The following STRBP variants were observed in gnomAD, a reference collection of about 807,000 sequenced individuals.
STRBP encodes spermatid perinuclear RNA binding protein.
A neutral mutation model predicts 80.1 loss-of-function variants in STRBP; 13 were observed. The observed-to-expected ratio is 0.16, with a 90% CI of 0.11 to 0.26. STRBP has a LOEUF of 0.26. STRBP is among the 10% of genes least tolerant of loss of function. The pLI is 1.00. For synonymous variants in STRBP, 284 were observed against 291.2 expected (o/e 0.98, Z 0.25); for missense variants, 485 against 815.2 (o/e 0.59, Z 4.93).
At chr9:123,183,981 G>A (rs1242921028) in intron 3 of STRBP, 151 bp downstream of exon 3, 6 of 578,912 alleles carry the variant, frequency 1.0e-5, no homozygotes, top group African/African-American at 7.5e-5. Flanking sequence ...GAATTCATTC[G>A]CTTTGAATAG....
intron 2 of STRBP, among the ~76,000 whole-genome samples, chr9:123,198,920 C>T (rs2132503464): frequency 6.6e-6 from 1 of 152,130 alleles, no homozygotes; most frequent in South Asian, 2.1e-4. Flanking sequence ...TATTTCTGGG[C>T]TCTCTATTCT....
chr9:123,227,587 A>G lies in STRBP; in HGVS notation c.-165+9243T>C, dbSNP rs186294343. On this transcript the variant is annotated intron_variant, in intron 2 of 18. Coordinates refer to ENST00000348403, the MANE Select transcript of STRBP (RefSeq NM_018387.5). ...TTTTTCTTTTTTTTTTTTTTTTGAG[A>G]TAGAGTCTCACTCTGTCGCTCAGGC... Among the ~76,000 whole-genome samples, 653 of 123,120 alleles carry G rather than the reference A, an allele frequency of 5.3e-3. 6 individuals are homozygous for G. The highest frequency in any genetic ancestry group is 0.037 in the East Asian group (155 of 4,244). 80.8% of individuals were successfully genotyped at this position (123,120 alleles called of 152,430 possible).
At chr9:123,208,762 A>T (rs886987424) in intron 2 of STRBP, among the ~76,000 whole-genome samples, 1 of 152,174 alleles carries the variant, frequency 6.6e-6, no homozygotes, top group African/African-American at 2.4e-5. Context: ...TATTTGTTCC[A>T]CTGCCAATCC....
intron 3 of STRBP, chr9:123,112,179 G>C (rs182821661): frequency 1.0e-3 from 172 of 166,762 alleles, no homozygotes; most frequent in Non-Finnish European, 8.3e-4. Flanking sequence ...CCGTGAAAGG[G>C]AGTCACAGTG....
At chr9:123,148,299 G>A (rs1222659436) in intron 11 of STRBP, among the ~76,000 whole-genome samples, 3 of 152,102 alleles carry the variant, frequency 2.0e-5, no homozygotes, top group African/African-American at 7.2e-5. Context: ...GCCATGTGGG[G>A]ATACATAGCA....
chr9:123,116,263 G>A (rs1193720711), intron 2 of STRBP, among the ~76,000 whole-genome samples: 1 of 152,190 alleles, frequency 6.6e-6, no homozygotes, highest in Admixed American at 6.5e-5. Context: ...AACGGAGGAT[G>A]TGGCCAAAAA....
chr9:123,127,225 T>G (rs2035930936), intron 18 of STRBP, among the ~76,000 whole-genome samples: 1 of 152,232 alleles, frequency 6.6e-6, no homozygotes, highest in Non-Finnish European at 1.5e-5. Context: ...TCAGCAGTGT[T>G]TTAGGAACAC....
At chr9:123,211,813 T>C (rs112425101) in intron 2 of STRBP, among the ~76,000 whole-genome samples, 3 of 152,180 alleles carry the variant, frequency 2.0e-5, no homozygotes, top group African/African-American at 7.2e-5. Flanking sequence ...TCACAGACTA[T>C]AATTTGACTC....
intron 16 of STRBP, 75 bp from the exon 17 acceptor site, chr9:123,133,043 C>A: frequency 1.9e-6 from 3 of 1,558,424 alleles, no homozygotes; most frequent in Non-Finnish European, 2.6e-6. Flanking sequence ...CTTCAACGCA[C>A]AACAACTATG....
chr9:123,256,859 C>T (rs1437346614), intron 1 of STRBP, among the ~76,000 whole-genome samples: 1 of 151,080 alleles, frequency 6.6e-6, no homozygotes, highest in Non-Finnish European at 1.5e-5. Context: ...ATGGGGAGAA[C>T]GTGAAAACTC....
intron 1 of STRBP, among the ~76,000 whole-genome samples, chr9:123,249,271 CG>C (rs2040863348): frequency 6.6e-6 from 1 of 152,030 alleles, no homozygotes; most frequent in African/African-American, 2.4e-5. Context: ...CCCAGCTACT[CG>C]GGAGGCTGAG....
chr9:123,144,442 A>C (rs1264427436), intron 13 of STRBP, among the ~76,000 whole-genome samples: 1 of 152,158 alleles, frequency 6.6e-6, no homozygotes, highest in African/African-American at 2.4e-5. Flanking sequence ...TAATCCCACT[A>C]AATAGAATAC....
At chr9:123,226,395 T>C (rs945125606) in intron 2 of STRBP, among the ~76,000 whole-genome samples, 1 of 152,182 alleles carries the variant, frequency 6.6e-6, no homozygotes, top group Admixed American at 6.5e-5. Context: ...TTTTTTATTA[T>C]TAAAAGGGAC....
chr9:123,198,354 TC>T (rs2039183294), intron 2 of STRBP, among the ~76,000 whole-genome samples: 1 of 152,092 alleles, frequency 6.6e-6, no homozygotes, highest in African/African-American at 2.4e-5. Flanking sequence ...GCCAGGCTGG[TC>T]TTTAACTCCT....
At chr9:123,112,122 C>CCTCGCCTCCTGA (rs1405435287) in intron 3 of STRBP, 1 of 167,262 alleles carries the variant, frequency 6.0e-6, no homozygotes, top group East Asian at 1.9e-4. Context: ...GCAACGTAGC[C>CCTCGCCTCCTGA]CTCGCCTCCT....
chr9:123,209,093 C>T (rs929476309), intron 2 of STRBP, among the ~76,000 whole-genome samples: 1 of 152,120 alleles, frequency 6.6e-6, no homozygotes, highest in South Asian at 2.1e-4. Flanking sequence ...TTGCCCAAAG[C>T]CTGAAAATCT....
downstream of STRBP, among the ~76,000 whole-genome samples, chr9:123,117,641 G>A (rs1464486294): frequency 6.6e-6 from 1 of 152,142 alleles, no homozygotes; most frequent in Non-Finnish European, 1.5e-5. Flanking sequence ...CTGAGTACTC[G>A]TCCAGGGACA....
At chr9:123,184,347 C>T (rs960241883) in intron 2 of STRBP, 49 bp from the exon 3 acceptor site, 4 of 437,862 alleles carry the variant, frequency 9.1e-6, no homozygotes, top group Middle Eastern at 4.0e-4. Flanking sequence ...TTACTATTAG[C>T]TTCCAATATG....
chr9:123,169,868 A>G (rs761732027), intron 6 of STRBP, 34 bp downstream of exon 6: 1 of 1,139,728 alleles, frequency 8.8e-7, no homozygotes. Context: ...AACAACAAAT[A>G]TATACATATA....
Sources: allele counts gnomAD v4.1 joint callset (sites outside exome capture counted in the v4.1 genomes callset), GRCh38; gene constraint gnomAD v4.1.1; transcripts MANE v1.5; gene names NCBI Gene and HGNC (gene_info 2026-07-23, HGNC 2026-07-21).